The following F13A1 variants were observed in gnomAD, a reference collection of about 807,000 sequenced individuals.
F13A1 encodes coagulation factor XIII A chain, also known as FSF, A subunit.
In F13A1, 47 loss-of-function variants were observed where a neutral mutation model predicts 80.1. That is an observed-to-expected ratio of 0.59 (90% CI 0.46 to 0.75). The LOEUF (loss-of-function observed/expected upper bound fraction) is 0.75. F13A1 is among the 30% of genes least tolerant of loss of function. F13A1 has a pLI of 0.00. For missense variants in F13A1, 817 were observed against 930.4 expected (o/e 0.88, Z 1.59); for synonymous variants, 349 against 344.9 (o/e 1.01, Z -0.13).
At chr6:6,230,155 A>G (rs1757330239) in intron 6 of F13A1, among the ~76,000 whole-genome samples, 1 of 152,138 alleles carries the variant, frequency 6.6e-6, no homozygotes, top group African/African-American at 2.4e-5. Context: ...GGAAGAACCA[A>G]ACCCTTTTCT....
At chr6:6,193,264 G>C (rs1347579995) in intron 10 of F13A1, among the ~76,000 whole-genome samples, 1 of 152,182 alleles carries the variant, frequency 6.6e-6, no homozygotes, top group Non-Finnish European at 1.5e-5. Flanking sequence ...TGGAGACTAA[G>C]GCCCTGGGAA....
chr6:6,189,426 C>CA (rs1761139530), intron 10 of F13A1, among the ~76,000 whole-genome samples: 1 of 116,088 alleles, frequency 8.6e-6, no homozygotes, highest in Non-Finnish European at 1.8e-5. Context: ...CTGGTGGTGA[C>CA]AAAATCTCTC....
At chr6:6,172,833 T>C (rs1168630241) in intron 12 of F13A1, among the ~76,000 whole-genome samples, 1 of 152,156 alleles carries the variant, frequency 6.6e-6, no homozygotes, top group African/African-American at 2.4e-5. Flanking sequence ...TCCTTGGAAT[T>C]AGGATTTTAA....
Position 6,201,474 on chromosome 6 carries a change from A to C in F13A1, c.1113-4148T>G, listed in dbSNP as rs932520548. On this transcript the variant is annotated intron_variant, in intron 8 of 14. Transcript: ENST00000264870. ...AAAGCTAATGGCTCAGCTCCCAGAC[A>C]GCCCATGAAGAGAACGAGAGGGTGC... Among the ~76,000 whole-genome samples, 22 of 152,174 alleles carry C rather than the reference A, an allele frequency of 1.4e-4. 1 individual carries two copies. The highest frequency in any genetic ancestry group is 5.3e-4 in the African/African-American group (22 of 41,442).
In F13A1 at chr6:6,209,868, ATGGC is replaced by A. The variant is rs561941980; in HGVS notation, c.1112+12161_1112+12164del. ...AAATGGGGAGTGACTGCTAATAGGTATGGCAGAGGGGAGAGAAAATGTTCTGGAA... is the reference window on the plus strand; with the variant it reads ...AAATGGGGAGTGACTGCTAATAGGTAAGAGGGGAGAGAAAATGTTCTGGAA... On this transcript the variant is annotated intron_variant, in intron 8 of 14. Transcript: ENST00000264870. Among the ~76,000 whole-genome samples, 442 of 152,290 alleles carry A rather than the reference ATGGC, an allele frequency of 2.9e-3. 4 individuals are homozygous for A. The highest frequency in any genetic ancestry group is 0.01 in the African/African-American group (424 of 41,562).
intron 4 of F13A1, among the ~76,000 whole-genome samples, chr6:6,263,678 G>GAATGTAA (rs1244798125): frequency 1.3e-5 from 2 of 152,076 alleles, no homozygotes; most frequent in Non-Finnish European, 2.9e-5. Context: ...TAACATTTCT[G>GAATGTAA]AATGTAACTC....
intron 6 of F13A1, among the ~76,000 whole-genome samples, chr6:6,233,409 T>C (rs1430413154): frequency 6.6e-6 from 1 of 152,010 alleles, no homozygotes; most frequent in Non-Finnish European, 1.5e-5. Context: ...AAGAATTAGA[T>C]ATCCTGAACA....
intron 8 of F13A1, among the ~76,000 whole-genome samples, chr6:6,213,460 T>G (rs1477036447): frequency 1.3e-5 from 2 of 150,342 alleles, no homozygotes; most frequent in African/African-American, 2.5e-5. Context: ...ATAAAATACT[T>G]TACAGACAAG....
At chr6:6,150,505 C>T (rs3799563) in intron 14 of F13A1, among the ~76,000 whole-genome samples, 69,126 of 152,042 alleles carry the variant, frequency 0.45, 17,495 homozygotes, top group African/African-American at 0.7. Context: ...GCAGAAGCTA[C>T]GAGCATTGTA....
At chr6:6,177,602 C>G (rs1760904126) in intron 11 of F13A1, among the ~76,000 whole-genome samples, 1 of 152,236 alleles carries the variant, frequency 6.6e-6, no homozygotes, top group South Asian at 2.1e-4. Context: ...TTATGTTCAA[C>G]TAAGCCTAGC....
chr6:6,285,726 C>T (rs183294425), intron 3 of F13A1, among the ~76,000 whole-genome samples: 6 of 152,322 alleles, frequency 3.9e-5, no homozygotes, highest in East Asian at 3.9e-4. Flanking sequence ...CATCAGGTGA[C>T]GGTCATTGTT....
At chr6:6,294,857 C>T (rs1398511777) in intron 3 of F13A1, among the ~76,000 whole-genome samples, 1 of 149,978 alleles carries the variant, frequency 6.7e-6, no homozygotes. Context: ...ACTCGTCATC[C>T]AGCATTAGGT....
intron 6 of F13A1, among the ~76,000 whole-genome samples, chr6:6,240,403 C>G (rs908704506): frequency 1.3e-5 from 2 of 152,062 alleles, no homozygotes; most frequent in African/African-American, 4.8e-5. Context: ...AGGATTGAAT[C>G]AGACAGGACA....
intron 14 of F13A1, among the ~76,000 whole-genome samples, chr6:6,147,570 C>T (rs1043893829): frequency 6.6e-6 from 1 of 152,154 alleles, no homozygotes; most frequent in Non-Finnish European, 1.5e-5. Flanking sequence ...TACCTGTATC[C>T]ATTCATTCTC....
At chr6:6,272,199 T>A (rs550610769) in intron 3 of F13A1, among the ~76,000 whole-genome samples, 133 of 152,352 alleles carry the variant, frequency 8.7e-4, no homozygotes, top group African/African-American at 3.1e-3. Context: ...AAAAAATTAA[T>A]CTTTTGGGTT....
At chr6:6,206,307 G>C in intron 8 of F13A1, 2 of 362,044 alleles carry the variant, frequency 5.5e-6, no homozygotes, top group Non-Finnish European at 5.4e-6. Context: ...TACTTTATTA[G>C]TTTCTAATTA....
At chr6:6,191,116 C>A (rs1433812665) in intron 10 of F13A1, among the ~76,000 whole-genome samples, 1 of 152,228 alleles carries the variant, frequency 6.6e-6, no homozygotes. Flanking sequence ...TGACCTGTGC[C>A]CACTGTCTGG....
intron 3 of F13A1, among the ~76,000 whole-genome samples, chr6:6,277,087 C>T (rs1757998323): frequency 2.0e-5 from 3 of 152,042 alleles, no homozygotes; most frequent in African/African-American, 7.3e-5. Flanking sequence ...TGAACAGAAT[C>T]AATGTTAAAA....
chr6:6,145,349 G>A lies in F13A1; in HGVS notation c.*270C>T, dbSNP rs568780978. The A allele has an allele frequency of 1.1e-3, 507 of 479,780 alleles. No individual in the cohort carries two copies. The highest frequency in any genetic ancestry group is 3.6e-3 in the Middle Eastern group (6 of 1,690). The allele number at this position is 479,780 out of a possible 1,614,324, so 29.7% of individuals were successfully genotyped here. A position where few individuals can be genotyped will look rare whatever the true frequency, so the allele number is the denominator to read the frequency against. ...CCATTTGTGATGATAAATGATGACT[G>A]TTACTCTTATGAGCTATGAGAGCTT... On this transcript the variant is annotated 3_prime_UTR_variant, in exon 15 of 15. Transcript: ENST00000264870.
Sources: gnomAD v4.1 joint callset for allele counts (sites outside exome capture counted in the v4.1 genomes callset) on GRCh38, gnomAD v4.1.1 for gene constraint, MANE v1.5 for transcripts, NCBI Gene and HGNC (gene_info 2026-07-23, HGNC 2026-07-21) for gene names.